The following RGS7 variants were observed in gnomAD, a reference collection of about 807,000 sequenced individuals.
RGS7 encodes the protein regulator of G protein signaling 7, also known as regulator of G-protein signaling 7.
Under a neutral mutation model 81.1 loss-of-function variants are expected in RGS7, and 27 were observed. The observed-to-expected ratio is 0.33, with a 90% CI of 0.25 to 0.46. The LOEUF (loss-of-function observed/expected upper bound fraction) is 0.46, where lower values mean the gene tolerates loss of function less well. Ranked by LOEUF, RGS7 falls within the 20% of genes least tolerant of loss-of-function variation. RGS7 has a pLI of 1.00. For missense variants in RGS7, 396 were observed against 607.4 expected (o/e 0.65, Z 3.66); for synonymous variants, 208 against 207.7 (o/e 1.00, Z -0.01).
At chr1:241,312,339 A>G (rs986433390) in intron 2 of RGS7, among the ~76,000 whole-genome samples, 1 of 152,184 alleles carries the variant, frequency 6.6e-6, no homozygotes, top group African/African-American at 2.4e-5. Context: ...GCTTGCTTTA[A>G]TGCACTTTGT....
At chr1:240,881,919 C>CTT (rs5782168) in intron 6 of RGS7, among the ~76,000 whole-genome samples, 56 of 145,960 alleles carry the variant, frequency 3.8e-4, no homozygotes, top group Middle Eastern at 3.5e-3. Flanking sequence ...CTATAAAAAT[C>CTT]TTTTTTTTTT....
At position 241,207,348 on chromosome 1, in the gene RGS7, CAT is replaced by C. The variant is rs540737449; in HGVS notation, c.79-108588_79-108587del. On this transcript the variant is annotated intron_variant, in intron 2 of 18. Transcript: ENST00000440928. ...GGTATGGAGTATGCACTTTAAAATG[CAT>C]ATATATATATGCGTAAATATACAGC... Among the ~76,000 whole-genome samples the C allele has an allele frequency of 1.2e-4, 17 of 143,762 alleles. No homozygotes were observed. In the East Asian group the frequency reaches 3.5e-3, roughly 30 times the overall value. The allele number at this position is 143,762 out of a possible 152,430, so 94.3% of individuals were successfully genotyped here. A position where few individuals can be genotyped will look rare whatever the true frequency, so the allele number is the denominator to read the frequency against.
chr1:241,240,386 G>A (rs1285343335), intron 2 of RGS7, among the ~76,000 whole-genome samples: 4 of 152,200 alleles, frequency 2.6e-5, no homozygotes, highest in Admixed American at 1.3e-4. Context: ...AGCACTGGAC[G>A]TCAGCAGTAG....
chr1:240,928,604 ATTTT>A (rs769378768), intron 6 of RGS7, among the ~76,000 whole-genome samples: 1 of 134,910 alleles, frequency 7.4e-6, no homozygotes. Context: ...TTTCTTTATA[ATTTT>A]TTTTTTTTTT....
intron 3 of RGS7, among the ~76,000 whole-genome samples, chr1:241,010,375 T>C (rs1311528106): frequency 6.6e-6 from 1 of 152,176 alleles, no homozygotes; most frequent in East Asian, 1.9e-4. Context: ...ATAATACACA[T>C]GGATTTAAAC....
At chr1:241,258,458 A>G (rs969031788) in intron 2 of RGS7, among the ~76,000 whole-genome samples, 2 of 152,304 alleles carry the variant, frequency 1.3e-5, no homozygotes. Flanking sequence ...AAAAGCAATT[A>G]ATTCGGTTAC....
intron 3 of RGS7, among the ~76,000 whole-genome samples, chr1:241,080,487 C>G (rs979627572): frequency 6.6e-6 from 1 of 151,928 alleles, no homozygotes; most frequent in Non-Finnish European, 1.5e-5. Context: ...CTACCTAGGA[C>G]GTAAGAAAAT....
intron 2 of RGS7, among the ~76,000 whole-genome samples, chr1:241,320,450 G>A: frequency 6.6e-6 from 1 of 152,312 alleles, no homozygotes; most frequent in East Asian, 1.9e-4. Flanking sequence ...ATGAATGAAT[G>A]GATAAGCAAC....
Position 241,147,780 on chromosome 1 carries a change from T to TTTATATATATATATATA in RGS7, c.79-49019_79-49018insTATATATATATATATAA, listed in dbSNP as rs1428939736. On this transcript the variant is annotated intron_variant, in intron 2 of 18. Coordinates refer to ENST00000440928, the MANE Select transcript of RGS7 (RefSeq NM_001364886.1). ...TTAAATATCCCATCTAGATTAAGTT[T>TTTATATATATATATATA]TATATATATATATATATATATATAT... 4.5e-5 allele frequency among the ~76,000 whole-genome samples: 2 copies of TTTATATATATATATATA among 44,604 alleles called. 1 individual carries two copies. Among genetic ancestry groups the TTTATATATATATATATA allele is most frequent in the Non-Finnish European group, 9.1e-5 (2 of 22,032 alleles). The allele number at this position is 44,604 out of a possible 152,430, so 29.3% of individuals were successfully genotyped here. A position where few individuals can be genotyped will look rare whatever the true frequency, so the allele number is the denominator to read the frequency against.
intron 3 of RGS7, among the ~76,000 whole-genome samples, chr1:241,085,139 G>A (rs1489297812): frequency 6.6e-6 from 1 of 152,200 alleles, no homozygotes; most frequent in Non-Finnish European, 1.5e-5. Flanking sequence ...GCTTACACTG[G>A]AAGCATAGTA....
At chr1:240,825,509 G>T (rs973680643) in intron 10 of RGS7, among the ~76,000 whole-genome samples, 4 of 152,156 alleles carry the variant, frequency 2.6e-5, no homozygotes, top group Admixed American at 2.6e-4. Context: ...TTTGCTGTCA[G>T]ATTTTTCAGG....
chr1:240,942,846 G>T (rs1012832192), intron 4 of RGS7, among the ~76,000 whole-genome samples: 2 of 152,096 alleles, frequency 1.3e-5, no homozygotes, highest in African/African-American at 4.8e-5. Context: ...ATTTGGAAAG[G>T]TAAGATTATT....
chr1:241,196,989 T>C (rs894955540), intron 2 of RGS7, among the ~76,000 whole-genome samples: 18 of 84,306 alleles, frequency 2.1e-4, no homozygotes, highest in Admixed American at 1.3e-3. Flanking sequence ...TCCAAAAGAA[T>C]GTAAAAAAAA....
intron 6 of RGS7, among the ~76,000 whole-genome samples, chr1:240,923,227 G>T (rs1460663443): frequency 6.6e-6 from 1 of 151,984 alleles, no homozygotes; most frequent in Non-Finnish European, 1.5e-5. Context: ...AGAATCTTTA[G>T]GGCAGTGAAA....
chr1:241,128,069 G>A (rs1159347186), intron 2 of RGS7, among the ~76,000 whole-genome samples: 2 of 150,854 alleles, frequency 1.3e-5, no homozygotes, highest in Admixed American at 1.3e-4. Context: ...ACGAGGTCAG[G>A]AGACCGAGAC....
chr1:241,095,770 T>G (rs1355417565), intron 3 of RGS7, among the ~76,000 whole-genome samples: 1 of 152,256 alleles, frequency 6.6e-6, no homozygotes, highest in East Asian at 1.9e-4. Context: ...TATCATTTCT[T>G]TCTGTCAGGA....
chr1:240,842,083 A>C (rs1188591015), intron 9 of RGS7, among the ~76,000 whole-genome samples: 1 of 152,054 alleles, frequency 6.6e-6, no homozygotes, highest in Admixed American at 6.6e-5. Context: ...TATGCAAAGC[A>C]CATATTAGTT....
At chr1:241,303,705 T>C (rs2079911611) in intron 2 of RGS7, among the ~76,000 whole-genome samples, 1 of 152,246 alleles carries the variant, frequency 6.6e-6, no homozygotes, top group South Asian at 2.1e-4. Context: ...CCAACATCTC[T>C]CTTTTTTCTG....
chr1:241,125,275 C>G (rs1391726403), intron 2 of RGS7, among the ~76,000 whole-genome samples: 1 of 152,156 alleles, frequency 6.6e-6, no homozygotes, highest in East Asian at 1.9e-4. Context: ...GCTACTCGCT[C>G]TAAGCATTTT....
Sources: gnomAD v4.1 joint callset for allele counts (sites outside exome capture counted in the v4.1 genomes callset) on GRCh38, gnomAD v4.1.1 for gene constraint, MANE v1.5 for transcripts, NCBI Gene and HGNC (gene_info 2026-07-23, HGNC 2026-07-21) for gene names.